HMG20A: variants seen among roughly 807,000 people sequenced by gnomAD.
The protein encoded by HMG20A is high mobility group protein 20A.
HMG20A carries 17 observed loss-of-function variants against 43.9 expected under a neutral mutation model. That is an observed-to-expected ratio of 0.39 (90% CI 0.27 to 0.58). HMG20A has a LOEUF of 0.58. Among genes scored for constraint, HMG20A ranks in the 20% least tolerant of loss-of-function variants. The pLI is 0.59. For synonymous variants in HMG20A, 132 were observed against 147.5 expected, an observed-to-expected ratio of 0.89 and a Z score of 0.76; for missense variants, 341 against 438.2, an observed-to-expected ratio of 0.78 and a Z score of 1.98.
the HMG20A span, among the ~76,000 whole-genome samples, chr15:77,514,616 G>C: frequency 6.6e-6 from 1 of 152,226 alleles, no homozygotes; most frequent in African/African-American, 2.4e-5. Context: ...CCATGGAGAA[G>C]GATGAGGTGT....
intron 1 of HMG20A, among the ~76,000 whole-genome samples, chr15:77,457,024 C>G (rs1375988094): frequency 6.6e-6 from 1 of 152,174 alleles, no homozygotes; most frequent in East Asian, 1.9e-4. Flanking sequence ...TCTCTACCTT[C>G]CATGCTCTAC....
intron 4 of HMG20A, among the ~76,000 whole-genome samples, chr15:77,469,849 G>A (rs1195186218): frequency 6.6e-6 from 1 of 152,096 alleles, no homozygotes; most frequent in Non-Finnish European, 1.5e-5. Flanking sequence ...TGTATTTTTA[G>A]TAGAGATGGG....
the HMG20A span, among the ~76,000 whole-genome samples, chr15:77,518,988 A>C: frequency 7.9e-5 from 12 of 152,202 alleles, no homozygotes; most frequent in African/African-American, 2.9e-4. Flanking sequence ...CAAGAGCACT[A>C]AAGTGCCCCA....
At chr15:77,485,994 C>T (rs944922888), downstream of HMG20A, among the ~76,000 whole-genome samples, 4 of 152,246 alleles carry the variant, frequency 2.6e-5, no homozygotes, top group Non-Finnish European at 4.4e-5. Flanking sequence ...ACTTTGTCAA[C>T]TCTACATTAA....
the HMG20A span, among the ~76,000 whole-genome samples, chr15:77,506,159 T>C: frequency 3.8e-4 from 53 of 139,142 alleles, no homozygotes; most frequent in Non-Finnish European, 7.3e-4. Context: ...AATAATTTTT[T>C]AATATAAGTA....
chr15:77,456,365 C>T (rs1426898706), intron 1 of HMG20A, among the ~76,000 whole-genome samples: 2 of 152,060 alleles, frequency 1.3e-5, no homozygotes, highest in Non-Finnish European at 2.9e-5. Flanking sequence ...AGGCCATTGA[C>T]TTCTAGGGAT....
chr15:77,437,826 G>A (rs2073565626), intron 1 of HMG20A, among the ~76,000 whole-genome samples: 1 of 152,044 alleles, frequency 6.6e-6, no homozygotes, highest in Non-Finnish European at 1.5e-5. Flanking sequence ...TCCCTGCCTC[G>A]GCCTCCCAAA....
At chr15:77,440,121 A>G (rs938832526) in intron 1 of HMG20A, among the ~76,000 whole-genome samples, 39 of 152,300 alleles carry the variant, frequency 2.6e-4, no homozygotes, top group African/African-American at 9.1e-4. Context: ...ATAATTTCCC[A>G]GTCTGTGGCT....
At chr15:77,439,571 C>A (rs1395564958) in intron 1 of HMG20A, among the ~76,000 whole-genome samples, 2 of 152,134 alleles carry the variant, frequency 1.3e-5, no homozygotes, top group Admixed American at 1.3e-4. Flanking sequence ...AGCAGTAGTT[C>A]AATCTGTATA....
intron 1 of HMG20A, among the ~76,000 whole-genome samples, chr15:77,432,718 G>A (rs1462937042): frequency 4.8e-5 from 4 of 82,906 alleles, no homozygotes; most frequent in South Asian, 4.2e-4. Flanking sequence ...GCGAAACTCC[G>A]ACTCAAAAAA....
At chr15:77,490,591 G>A (rs1319119887), downstream of HMG20A, among the ~76,000 whole-genome samples, 4 of 152,212 alleles carry the variant, frequency 2.6e-5, no homozygotes, top group Admixed American at 2.6e-4. Flanking sequence ...GGGAGGCCAA[G>A]GCGGGTAGAT....
the HMG20A span, among the ~76,000 whole-genome samples, chr15:77,499,570 G>A: frequency 1.3e-5 from 2 of 152,152 alleles, no homozygotes; most frequent in South Asian, 4.1e-4. Flanking sequence ...CCCCCTAACA[G>A]CTGGCCCTTC....
intron 5 of HMG20A, among the ~76,000 whole-genome samples, 170 bp downstream of exon 5, chr15:77,471,212 C>G (rs1327653958): frequency 1.3e-5 from 2 of 152,162 alleles, no homozygotes; most frequent in Non-Finnish European, 2.9e-5. Context: ...ACATTGCTCT[C>G]ATTTAGAAAT....
At chr15:77,437,287 G>C (rs142312665) in intron 1 of HMG20A, among the ~76,000 whole-genome samples, 1 of 152,274 alleles carries the variant, frequency 6.6e-6, no homozygotes, top group East Asian at 1.9e-4. Flanking sequence ...GTTCACCATT[G>C]TATTGCTGGT....
chr15:77,464,273 C>T lies in HMG20A; in HGVS notation c.123C>T (p.Gly41=), dbSNP rs1440617208. The part of the protein sequence containing the change: ...LNHPEVPYSS[G]ATSSTNNPEF... ...ACCCAGAGGTTCCATACAGTAGTGG[C>T]GCCACATCATCCACCAACAATCCAG... The change falls in exon 3 of 10, where the codon GGC becomes GGT. Residue 41 remains glycine (G), a synonymous_variant. Coordinates refer to ENST00000336216, the MANE Select transcript of HMG20A (RefSeq NM_001304504.2). The T allele has an allele frequency of 1.1e-5, 18 of 1,613,796 alleles. No individual in the cohort carries two copies. The highest frequency in any genetic ancestry group is 5.3e-5 in the African/African-American group (4 of 75,000).
chr15:77,488,426 A>G (rs1407942312), downstream of HMG20A, among the ~76,000 whole-genome samples: 1 of 152,238 alleles, frequency 6.6e-6, no homozygotes, highest in Admixed American at 6.5e-5. Context: ...GGCAGCTTGT[A>G]TTAATAGTTT....
chr15:77,497,557 A>AC, the HMG20A span, among the ~76,000 whole-genome samples: 1 of 151,726 alleles, frequency 6.6e-6, no homozygotes, highest in Non-Finnish European at 1.5e-5. Flanking sequence ...CAGAGCTGCC[A>AC]CCCCCCTCTG....
intron 4 of HMG20A, 120 bp from the exon 5 acceptor site, chr15:77,470,790 A>G: frequency 5.0e-6 from 4 of 796,528 alleles, no homozygotes; most frequent in Non-Finnish European, 7.4e-6. Context: ...TTTTTAAGGC[A>G]TATTCCCTAT....
intron 1 of HMG20A, among the ~76,000 whole-genome samples, chr15:77,437,194 C>G (rs904194621): frequency 1.3e-5 from 2 of 152,188 alleles, no homozygotes; most frequent in Admixed American, 1.3e-4. Context: ...GCATTTTAAA[C>G]AAATTTAAAG....
Sources: gnomAD v4.1 joint callset for allele counts (sites outside exome capture counted in the v4.1 genomes callset) on GRCh38, gnomAD v4.1.1 for gene constraint, MANE v1.5 for transcripts, NCBI Gene and HGNC (gene_info 2026-07-23, HGNC 2026-07-21) for gene names.